Variants in APOL2 observed in about 807,000 individuals in gnomAD.
APOL2 encodes apolipoprotein L, 2.
Under a neutral mutation model 7.1 loss-of-function variants are expected in APOL2, and 8 were observed. That is an observed-to-expected ratio of 1.12 (90% CI 0.66 to 2.03). The LOEUF (loss-of-function observed/expected upper bound fraction) is 2.03, where lower values mean the gene tolerates loss of function less well. Ranked by LOEUF, APOL2 falls within the 30% of genes most tolerant of loss-of-function variation. The pLI is 0.00. For synonymous variants in APOL2, 177 were observed against 159.9 expected (o/e 1.11, Z -0.81); for missense variants, 471 against 415.1 (o/e 1.13, Z -1.17).
intron 1 of APOL2, among the ~76,000 whole-genome samples, 178 bp from the exon 2 acceptor site, chr22:36,233,633 G>T (rs553560183): frequency 1.4e-4 from 22 of 152,294 alleles, no homozygotes; most frequent in Non-Finnish European, 1.3e-4. Flanking sequence ...TGTCTGTGAT[G>T]TGCATGGCCT....
chr22:36,237,384 T>G, intron 1 of APOL2: 1 of 1,259,312 alleles, frequency 7.9e-7, no homozygotes. Context: ...GAAAGAGGAG[T>G]CGAAATGATT....
At position 36,232,172 on chromosome 22, in the gene APOL2, A is replaced by G. The variant is rs191125465; in HGVS notation, c.11-706T>C. ...CTTATTGCAGTTTCATATTTACTCG[A>G]TAAATACTTGTCTCTGACACTTTTT... On this transcript the variant is annotated intron_variant, in intron 3 of 4. Coordinates refer to ENST00000358502, the MANE Select transcript of APOL2 (RefSeq NM_030882.4). 2.5e-4 allele frequency among the ~76,000 whole-genome samples: 38 copies of G among 152,396 alleles called. No homozygotes were observed. The East Asian group carries it at 4.0e-3, about 16-fold the overall frequency.
chr22:36,228,849 AC>A (rs1198628249), intron 4 of APOL2, among the ~76,000 whole-genome samples: 1 of 152,124 alleles, frequency 6.6e-6, no homozygotes, highest in East Asian at 1.9e-4. Flanking sequence ...GTCTTTCCTG[AC>A]TTCCAGAGGA....
In APOL2 at chr22:36,228,047, C is replaced by T. The variant is rs1453556494; in HGVS notation, c.371G>A (p.Gly124Asp). ...GAGGGTCAGGATGCCAGAGGTAGTG[C>T]CAACAGAGTTGGACACCACATTGGC... is the stretch of plus-strand genomic sequence containing the variant. ...TIANVVSNSV[G>D]TTSGILTLLG... Residue 124 changes from glycine (G) to aspartate (D), a missense_variant, in exon 5 of 5, where the codon GGC (glycine) becomes GAC (aspartate). Transcript: ENST00000358502. 4 of 1,614,214 alleles carry T rather than the reference C, an allele frequency of 2.5e-6. No individual in the cohort carries two copies. Among genetic ancestry groups the T allele is most frequent in the Non-Finnish European group, 2.5e-6 (3 of 1,180,036 alleles).
intron 3 of APOL2, among the ~76,000 whole-genome samples, chr22:36,232,429 A>G (rs1569532674): frequency 6.6e-6 from 1 of 152,226 alleles, no homozygotes; most frequent in South Asian, 2.1e-4. Context: ...CCTGGAATCA[A>G]CAGGGGATAG....
At chr22:36,239,384 T>C (rs113056287) in intron 1 of APOL2, 57 bp downstream of exon 1, 28,052 of 1,478,944 alleles carry the variant, frequency 0.019, 344 homozygotes, top group Non-Finnish European at 0.022. Context: ...ATCCTTCCCT[T>C]ATAGAGCTAT....
At chr22:36,237,815 C>T (rs112266636) in intron 1 of APOL2, among the ~76,000 whole-genome samples, 4 of 152,152 alleles carry the variant, frequency 2.6e-5, no homozygotes, top group Admixed American at 1.3e-4. Flanking sequence ...CCGCTCCCTG[C>T]CACCACAGTC....
rs371828059 is a variant in APOL2, at chr22:36,227,595, C to G, written c.823G>C (p.Val275Leu). ...AAGATGCCTCCAGTGGCTGCACCCACGATCATGGTTCCTCTGCTCATTGCC... is the reference window on the plus strand; with the variant it reads ...AAGATGCCTCCAGTGGCTGCACCCAGGATCATGGTTCCTCTGCTCATTGCC... ...AQAMSRGTMI[V>L]GAATGGILLL... Residue 275 changes from valine (V) to leucine (L), a missense_variant, in exon 5 of 5, where the codon GTG (valine) becomes CTG (leucine). Coordinates refer to ENST00000358502, the MANE Select transcript of APOL2 (RefSeq NM_030882.4). The G allele has an allele frequency of 5.0e-6, 8 of 1,614,156 alleles. No homozygotes were observed. The highest frequency in any genetic ancestry group is 6.8e-6 in the Non-Finnish European group (8 of 1,180,052).
chr22:36,239,152 G>C (rs954065163), intron 1 of APOL2: 279 of 1,220,762 alleles, frequency 2.3e-4, no homozygotes, highest in Non-Finnish European at 2.8e-4. Flanking sequence ...TCTGGGGTCA[G>C]CTGGCCGTGT....
In APOL2 at chr22:36,228,123, G is replaced by A. The variant is rs1447530375; in HGVS notation, c.295C>T (p.Leu99Phe). ...TCAACCTCCTCTGCAAGGGCACGGA[G>A]CTTCCTTATGTGATCCTCAAGCTCC... ...KRELEDHIRK[L>F]RALAEEVEQV... Residue 99 changes from leucine (L) to phenylalanine (F), a missense_variant, in exon 5 of 5, where the codon CTC becomes TTC. Physicochemically the swap from Leu to Phe is conservative, Grantham distance 22. Coordinates refer to ENST00000358502, the MANE Select transcript of APOL2 (RefSeq NM_030882.4). 8 of 1,614,094 alleles carry A rather than the reference G, an allele frequency of 5.0e-6. No individual in the cohort carries two copies. Among genetic ancestry groups the A allele is most frequent in the Non-Finnish European group, 6.8e-6 (8 of 1,180,036 alleles).
In APOL2 at chr22:36,231,443, A is replaced by C; in HGVS notation, c.34T>G (p.Tyr12Asp). Residue 12 changes from tyrosine (Y) to aspartate (D), a missense_variant, in exon 4 of 5, where the codon TAC (tyrosine) becomes GAC (aspartate). By Grantham distance (160) the Tyr-to-Asp change is radical. Transcript: ENST00000358502. ...ACTTGGTCCTGGAAATACTTAAGGT[A>C]ATCCTCAATAAAGATACTGCTCTCT... ...NPESSIFIEDYLKYFQDQVSR... is the reference protein window; with the variant it reads ...NPESSIFIEDDLKYFQDQVSR... 12 of 1,613,742 alleles carry C rather than the reference A, an allele frequency of 7.4e-6. No individual in the cohort carries two copies. Among genetic ancestry groups the C allele is most frequent in the Non-Finnish European group, 9.3e-6 (11 of 1,179,864 alleles).
Position 36,228,298 on chromosome 22 carries a change from A to G in APOL2, c.138-18T>C. On this transcript the variant is annotated intron_variant, in intron 4 of 4. Coordinates refer to ENST00000358502, the MANE Select transcript of APOL2 (RefSeq NM_030882.4). ...CCTCATCCCTGCACAAGGAAAGGTT[A>G]AAGGATTAAGAAATGCAGTTTCCCT... The G allele has an allele frequency of 1.2e-6, 2 of 1,600,358 alleles. No homozygotes were observed. The highest frequency in any genetic ancestry group is 1.7e-6 in the Non-Finnish European group (2 of 1,173,600).
upstream of APOL2, chr22:36,239,815 G>A: frequency 2.5e-6 from 1 of 402,906 alleles, no homozygotes; most frequent in Admixed American, 3.9e-5. Flanking sequence ...AGCCTGGGGA[G>A]TTTTTTGAAC....
intron 1 of APOL2, among the ~76,000 whole-genome samples, chr22:36,238,714 C>G (rs1392323870): frequency 6.6e-6 from 1 of 152,220 alleles, no homozygotes; most frequent in Non-Finnish European, 1.5e-5. Flanking sequence ...ATGCGACCTT[C>G]TCACTCCCCT....
In APOL2 at chr22:36,227,303, G is replaced by A. The variant is rs190791021; in HGVS notation, c.*101C>T. The stretch of plus-strand genomic sequence containing the variant: ...TGCACTCCATCCTGGGCGATAGAGC[G>A]AGACTCCATCTCAAAAAAAAAAAAA... On this transcript the variant is annotated 3_prime_UTR_variant, in exon 5 of 5. Coordinates refer to ENST00000358502, the MANE Select transcript of APOL2 (RefSeq NM_030882.4). The A allele has an allele frequency of 5.0e-4, 690 of 1,382,592 alleles. 4 individuals carry two copies. In the African/African-American group the frequency reaches 9.4e-3, roughly 19 times the overall value. The allele number at this position is 1,382,592 out of a possible 1,614,324, so 85.6% of individuals were successfully genotyped here.
chr22:36,231,517 A>G (rs1196052912), intron 3 of APOL2, 51 bp from the exon 4 acceptor site: 3 of 1,590,896 alleles, frequency 1.9e-6, no homozygotes, highest in African/African-American at 2.7e-5. Flanking sequence ...AGGGGAGCAT[A>G]ACAGCCATTG....
At chr22:36,229,084 C>T (rs570877992) in intron 4 of APOL2, among the ~76,000 whole-genome samples, 1 of 152,230 alleles carries the variant, frequency 6.6e-6, no homozygotes, top group Non-Finnish European at 1.5e-5. Flanking sequence ...CTTGCACCAC[C>T]TTGGCTCAGC....
intron 1 of APOL2, among the ~76,000 whole-genome samples, chr22:36,237,605 C>T (rs1016185634): frequency 6.8e-6 from 1 of 146,492 alleles, no homozygotes; most frequent in Non-Finnish European, 1.5e-5. Context: ...AGAGAGACAG[C>T]ATCTCCTGTG....
intron 1 of APOL2, chr22:36,236,446 A>C: frequency 1.6e-6 from 1 of 627,266 alleles, no homozygotes; most frequent in African/African-American, 2.0e-5. Flanking sequence ...TGGTGATACA[A>C]TATTAGGAAA....
Sources: gnomAD v4.1 joint callset for allele counts (sites outside exome capture counted in the v4.1 genomes callset) on GRCh38, gnomAD v4.1.1 for gene constraint, MANE v1.5 for transcripts, NCBI Gene and HGNC (gene_info 2026-07-23, HGNC 2026-07-21) for gene names.